MED13L: variants seen among roughly 807,000 people sequenced by gnomAD.
The protein encoded by MED13L is mediator complex subunit 13L.
MED13L carries 7 observed loss-of-function variants against 220.9 expected under a neutral mutation model. The ratio of observed to expected loss-of-function variants is 0.03; its 90% confidence interval spans 0.02 to 0.06. The LOEUF (loss-of-function observed/expected upper bound fraction) is 0.06, where lower values mean the gene tolerates loss of function less well. Ranked by LOEUF, MED13L falls within the 10% of genes least tolerant of loss-of-function variation. The pLI is 1.00. For synonymous variants in MED13L, 1,011 were observed against 1,015.2 expected (o/e 1.00, Z 0.08); for missense variants, 1,965 against 2,760.5 (o/e 0.71, Z 6.46).
chr12:116,137,777 A>G lies in MED13L; in HGVS notation c.311-26265T>C, dbSNP rs1239840657. ...GACAACTTGTATAAACTTGTCTAAA[A>G]AATACGGTGTTGTACCTTGGAAACA... On this transcript the variant is annotated intron_variant, in intron 2 of 30. Transcript: ENST00000281928. Among the ~76,000 whole-genome samples, 7 of 152,152 alleles carry G rather than the reference A, an allele frequency of 4.6e-5. No individual in the cohort carries two copies. The East Asian group carries it at 1.3e-3, about 29-fold the overall frequency.
At chr12:115,978,365 C>T (rs1344893461) in intron 23 of MED13L, among the ~76,000 whole-genome samples, 2 of 139,944 alleles carry the variant, frequency 1.4e-5, no homozygotes, top group East Asian at 2.1e-4. Context: ...CTCACTCTGT[C>T]GCCGAGACTG....
At chr12:116,104,325 AATCACCTCTATTGC>A (rs1362366509) in intron 3 of MED13L, among the ~76,000 whole-genome samples, 6 of 151,988 alleles carry the variant, frequency 3.9e-5, no homozygotes, top group East Asian at 3.9e-4. Flanking sequence ...GCCCTTTGAT[AATCACCTCTATTGC>A]ATCACCTCTA....
chr12:116,237,389 TTAA>T (rs1280016819), intron 2 of MED13L, 76 bp downstream of exon 2: 11 of 1,160,396 alleles, frequency 9.5e-6, no homozygotes, highest in South Asian at 5.0e-5. Context: ...TAGACAAGTC[TTAA>T]TAATCTGTTT....
At chr12:115,992,061 T>C in intron 16 of MED13L, 104 bp from the exon 17 acceptor site, 1 of 1,048,530 alleles carries the variant, frequency 9.5e-7, no homozygotes. Context: ...TTATCATTTG[T>C]TTCTGCTATC....
chr12:116,077,080 C>A lies in MED13L; in HGVS notation c.479+19589G>T, dbSNP rs1484979330. ...CCCTCCTCTTGATTCCACCCCAAGG[C>A]ATCCAAACCTTACAGGCTTGTCAAA... is the stretch of plus-strand genomic sequence containing the variant. On this transcript the variant is annotated intron_variant, in intron 4 of 30. Transcript: ENST00000281928. Among the ~76,000 whole-genome samples, 5 of 152,292 alleles carry A rather than the reference C, an allele frequency of 3.3e-5. No homozygotes were observed. The East Asian group carries it at 9.6e-4, about 29-fold the overall frequency.
chr12:116,276,880 G>A (rs1873897100), intron 1 of MED13L, 180 bp downstream of exon 1: 1 of 960,056 alleles, frequency 1.0e-6, no homozygotes, highest in Non-Finnish European at 1.6e-6. Flanking sequence ...AACACTGGAT[G>A]GGATCCAAGG....
intron 21 of MED13L, 100 bp downstream of exon 21, chr12:115,983,017 G>A (rs1877435751): frequency 7.6e-7 from 1 of 1,310,864 alleles, no homozygotes; most frequent in Admixed American, 1.8e-5. Flanking sequence ...GCACTTCATA[G>A]GATTCACAGA....
At chr12:116,004,783 A>T (rs1344441339) in intron 13 of MED13L, among the ~76,000 whole-genome samples, 1 of 152,146 alleles carries the variant, frequency 6.6e-6, no homozygotes. Flanking sequence ...TCTTCTAAGT[A>T]CTTATAACAG....
In MED13L at chr12:116,008,585, C is replaced by A. The variant is rs762794873; in HGVS notation, c.1828G>T (p.Ala610Ser). The A allele has an allele frequency of 1.2e-5, 19 of 1,613,938 alleles. No homozygotes were observed. The highest frequency in any genetic ancestry group is 1.5e-5 in the Non-Finnish European group (18 of 1,180,010). Residue 610 changes from alanine (A) to serine (S), a missense_variant, in exon 10 of 31, where the codon GCA becomes TCA. Ala to Ser is a moderately conservative substitution (Grantham distance 99, BLOSUM62 1). Coordinates refer to ENST00000281928, the MANE Select transcript of MED13L (RefSeq NM_015335.5). ...VLVGQRLPLMAEVSETALYCG... is the reference protein window; with the variant it reads ...VLVGQRLPLMSEVSETALYCG... ...TATAAGGCTGTCTCGCTGACCTCTG[C>A]CATGAGAGGCAGTCTTTGGCCTACG...
rs1046932673 is a variant in MED13L at position 116,038,801 on chromosome 12, G to A, written c.480-16200C>T. 2.1e-5 allele frequency among the ~76,000 whole-genome samples: 3 copies of A among 143,692 alleles called. No homozygotes were observed. The Admixed American group carries it at 2.1e-4, about 10-fold the overall frequency. The allele number at this position is 143,692 out of a possible 152,430, so 94.3% of individuals were successfully genotyped here. ...AACCTGCTAACGAGTACTGGTGCTA[G>A]CTAGGTATGCAGCCTTTCTTATAGA... On this transcript the variant is annotated intron_variant, in intron 4 of 30. Transcript: ENST00000281928.
intron 16 of MED13L, among the ~76,000 whole-genome samples, chr12:115,996,089 T>C (rs576400243): frequency 3.5e-4 from 54 of 152,188 alleles, no homozygotes; most frequent in African/African-American, 1.3e-3. Flanking sequence ...CATCATTTTT[T>C]CTTTCTTTTT....
chr12:116,215,220 T>C (rs1882921853), intron 2 of MED13L, among the ~76,000 whole-genome samples: 2 of 152,204 alleles, frequency 1.3e-5, no homozygotes, highest in South Asian at 4.1e-4. Context: ...GTAGTCTAAA[T>C]GACAATCAGT....
At chr12:116,150,506 C>T (rs1877953032) in intron 2 of MED13L, among the ~76,000 whole-genome samples, 1 of 152,124 alleles carries the variant, frequency 6.6e-6, no homozygotes, top group Non-Finnish European at 1.5e-5. Context: ...TCTAAACCTC[C>T]TACAACCGGG....
chr12:116,248,441 T>C (rs1347015787), intron 1 of MED13L, among the ~76,000 whole-genome samples: 1 of 152,046 alleles, frequency 6.6e-6, no homozygotes. Context: ...ATTAGGACAC[T>C]GTAGAGTGGC....
At chr12:116,222,222 A>C (rs1479225800) in intron 2 of MED13L, among the ~76,000 whole-genome samples, 2 of 152,330 alleles carry the variant, frequency 1.3e-5, no homozygotes, top group East Asian at 3.9e-4. Context: ...GTACCATAAA[A>C]TAAAGACATA....
intron 4 of MED13L, among the ~76,000 whole-genome samples, chr12:116,059,290 G>C (rs900916330): frequency 5.3e-5 from 8 of 152,088 alleles, no homozygotes; most frequent in Admixed American, 4.6e-4. Context: ...GAACTCCTGG[G>C]CTCAAGCCAT....
intron 1 of MED13L, among the ~76,000 whole-genome samples, chr12:116,241,425 A>G (rs1451442523): frequency 2.0e-5 from 3 of 152,184 alleles, no homozygotes; most frequent in Admixed American, 6.5e-5. Context: ...TAGAAAATTA[A>G]TATCAGAGCT....
At chr12:116,010,595 C>G (rs1251362254) in intron 9 of MED13L, among the ~76,000 whole-genome samples, 1 of 152,060 alleles carries the variant, frequency 6.6e-6, no homozygotes, top group African/African-American at 2.4e-5. Context: ...GGAAAAGAAC[C>G]TGATGCAGGC....
intron 4 of MED13L, among the ~76,000 whole-genome samples, chr12:116,028,390 TTCA>T (rs1880526952): frequency 1.3e-5 from 2 of 152,174 alleles, no homozygotes; most frequent in South Asian, 4.1e-4. Context: ...TTCATATACT[TTCA>T]TTAAAAATTT....
Sources: gnomAD v4.1 joint callset for allele counts (sites outside exome capture counted in the v4.1 genomes callset) on GRCh38, gnomAD v4.1.1 for gene constraint, MANE v1.5 for transcripts, NCBI Gene and HGNC (gene_info 2026-07-23, HGNC 2026-07-21) for gene names.